Variants in NUP153 observed in about 807,000 individuals in gnomAD.
The protein encoded by NUP153 is nuclear pore complex protein Nup153.
Under a neutral mutation model 134.6 loss-of-function variants are expected in NUP153, and 27 were observed. The ratio of observed to expected loss-of-function variants is 0.20; its 90% CI spans 0.15 to 0.28. The LOEUF (loss-of-function observed/expected upper bound fraction) is 0.28. Ranked by LOEUF, NUP153 falls within the 10% of genes least tolerant of loss-of-function variation. NUP153 has a pLI of 1.00. For missense variants in NUP153, 1,821 were observed against 1,731.3 expected (o/e 1.05, Z -0.92); for synonymous variants, 640 against 623.5 (o/e 1.03, Z -0.40).
chr6:17,693,974 C>T (rs998330061), intron 1 of NUP153, among the ~76,000 whole-genome samples: 12 of 152,104 alleles, frequency 7.9e-5, no homozygotes, highest in Non-Finnish European at 1.8e-4. Context: ...AATAGGACAC[C>T]CATCTCATTT....
intron 5 of NUP153, among the ~76,000 whole-genome samples, chr6:17,670,743 T>G (rs1391006681): frequency 2.0e-5 from 3 of 152,212 alleles, no homozygotes; most frequent in African/African-American, 7.2e-5. Context: ...AAAAAATATT[T>G]TATGTATCTA....
intron 8 of NUP153, among the ~76,000 whole-genome samples, chr6:17,665,974 G>C (rs1201392137): frequency 6.7e-6 from 1 of 150,170 alleles, no homozygotes; most frequent in Non-Finnish European, 1.5e-5. Flanking sequence ...CAGACATGAG[G>C]CAACTCACCT....
In NUP153 at chr6:17,706,304, A is replaced by T. The variant is rs1273575141; in HGVS notation, c.84T>A (p.Pro28=). The T allele has an allele frequency of 3.1e-6, 5 of 1,613,628 alleles. No individual in the cohort carries two copies. In the South Asian group the frequency reaches 4.4e-5, roughly 14 times the overall value. Residue 28 remains proline, a synonymous_variant, in exon 1 of 22, where the codon CCT becomes CCA. Coordinates refer to ENST00000262077, the MANE Select transcript of NUP153 (RefSeq NM_005124.4). The surrounding 1 kb of genome is among the most constrained non-coding windows in gnomAD (Gnocchi z 5.9). ...GATGCTGTTGTCGCCCCTGCTGGTAAGGCTTAATTGGCCCCTGGTGGCAAC... is the reference window on the plus strand; with the variant it reads ...GATGCTGTTGTCGCCCCTGCTGGTATGGCTTAATTGGCCCCTGGTGGCAAC... The part of the protein sequence containing the change: ...TRRCHQGPIK[P]YQQGRQQHQG...
intron 1 of NUP153, among the ~76,000 whole-genome samples, chr6:17,701,556 G>A (rs143510632): frequency 0.2 from 29,648 of 151,070 alleles, 3,777 homozygotes; most frequent in Non-Finnish European, 0.27. Flanking sequence ...CAGCTACTCG[G>A]GAGGCTGAGG....
At chr6:17,626,638 TA>T (rs1764963317) in intron 18 of NUP153, among the ~76,000 whole-genome samples, 2 of 152,330 alleles carry the variant, frequency 1.3e-5, no homozygotes, top group African/African-American at 4.8e-5. Context: ...TATCACACAC[TA>T]CATTTCCTAA....
intron 15 of NUP153, 133 bp from the exon 16 acceptor site, chr6:17,637,903 T>C (rs1765643294): frequency 2.0e-6 from 2 of 991,530 alleles, no homozygotes; most frequent in South Asian, 3.8e-5. Flanking sequence ...TACTTAAGAA[T>C]TGTTTTTCAC....
chr6:17,639,902 G>A, intron 15 of NUP153, 37 bp downstream of exon 15: 1 of 1,565,514 alleles, frequency 6.4e-7, no homozygotes, highest in Non-Finnish European at 8.6e-7. Flanking sequence ...GAGATCATGA[G>A]TTTGTAATCA....
In NUP153 at chr6:17,649,278, G is replaced by A. The variant is rs1206158833; in HGVS notation, c.1418C>T (p.Pro473Leu). Residue 473 changes from proline (P) to leucine (L), a missense_variant, in exon 12 of 22, where the codon CCG (proline) becomes CTG (leucine). Transcript: ENST00000262077. ...ACTGGTGATCGGTAGAGAGATTTTC[G>A]GTAATACTGGAACTTCCATTTCCTA... ...EEEEMEVPVLPKISLPITSSS... is the reference protein window; with the variant it reads ...EEEEMEVPVLLKISLPITSSS... 12 of 1,612,162 alleles carry A rather than the reference G, an allele frequency of 7.4e-6. No homozygotes were observed. Among genetic ancestry groups the A allele is most frequent in the Middle Eastern group, 1.6e-4 (1 of 6,080 alleles).
At chr6:17,670,723 T>C (rs941834946) in intron 5 of NUP153, among the ~76,000 whole-genome samples, 1 of 151,356 alleles carries the variant, frequency 6.6e-6, no homozygotes, top group Non-Finnish European at 1.5e-5. Context: ...TGACTAAATG[T>C]TGGATTTTTA....
At position 17,616,201 on chromosome 6, in the gene NUP153, C is replaced by T. The variant is rs1764308330; in HGVS notation, c.4344-20G>A. The stretch of plus-strand genomic sequence containing the variant: ...TTTGACCTGTGAAAAATAAAAACTT[C>T]ATAATGTGACATGATGCTCTGAGCA... On this transcript the variant is annotated intron_variant, in intron 21 of 21. Coordinates refer to ENST00000262077, the MANE Select transcript of NUP153 (RefSeq NM_005124.4). 4.3e-6 allele frequency: 6 copies of T among 1,391,364 alleles called. No individual in the cohort carries two copies. The Middle Eastern group carries it at 6.0e-4, about 140-fold the overall frequency. 86.2% of individuals were successfully genotyped at this position (1,391,364 alleles called of 1,614,324 possible).
chr6:17,667,962 TCTGC>T (rs1767645442), intron 8 of NUP153, among the ~76,000 whole-genome samples: 1 of 152,016 alleles, frequency 6.6e-6, no homozygotes. Context: ...TGATGAGAGA[TCTGC>T]CTAATTGAAA....
chr6:17,631,234 A>G (rs1476627743), intron 17 of NUP153, among the ~76,000 whole-genome samples: 2 of 143,746 alleles, frequency 1.4e-5, no homozygotes, highest in African/African-American at 2.4e-5. Context: ...ACAGATTTCA[A>G]TCATATAGAC....
rs1157015732 is a variant in NUP153, at chr6:17,616,278, C to T, written c.4344-97G>A. 3.0e-4 allele frequency: 75 copies of T among 253,652 alleles called. No individual in the cohort carries two copies. The South Asian group carries it at 3.0e-3, about 10-fold the overall frequency. The allele number at this position is 253,652 out of a possible 1,614,324, so 15.7% of individuals were successfully genotyped here. A position where few individuals can be genotyped will look rare whatever the true frequency, so the allele number is the denominator to read the frequency against. ...TGAGCAGCACAAGGGTAAGGGGGGT[C>T]GGGTGGGGGGGGAGTAGACTCACAT... On this transcript the variant is annotated intron_variant, in intron 21 of 21. Transcript: ENST00000262077.
chr6:17,632,862 A>AAC lies in NUP153; in HGVS notation c.2465-20_2465-19dup. 1 of 1,512,820 alleles carries AAC rather than the reference A, an allele frequency of 6.6e-7. No individual in the cohort carries two copies. The highest frequency in any genetic ancestry group is 8.8e-7 in the Non-Finnish European group (1 of 1,131,716). 93.7% of individuals were successfully genotyped at this position (1,512,820 alleles called of 1,614,324 possible). A position where few individuals can be genotyped will look rare whatever the true frequency, so the allele number is the denominator to read the frequency against. On this transcript the variant is annotated intron_variant, in intron 16 of 21. Coordinates refer to ENST00000262077, the MANE Select transcript of NUP153 (RefSeq NM_005124.4). ...TGAACTTCCTAAAAAAAAAAAAAAA[A>AAC]ACGGGGAGTGGGGGGAGATTTCATG...
intron 11 of NUP153, chr6:17,651,931 A>G (rs1581706170): frequency 1.6e-6 from 1 of 619,430 alleles, no homozygotes; most frequent in South Asian, 1.7e-5. Context: ...TTGTCTCTAC[A>G]AATAATTTTA....
chr6:17,647,824 C>T lies in NUP153; in HGVS notation c.1615G>A (p.Val539Ile), dbSNP rs1474018482. The T allele has an allele frequency of 5.6e-6, 9 of 1,599,730 alleles. No individual in the cohort carries two copies. Among genetic ancestry groups the T allele is most frequent in the Non-Finnish European group, 6.9e-6 (8 of 1,167,116 alleles). ...TTACTTACAGATGATGGAGGTAGTA[C>T]ATTTGCCTCAGTAGATTTTACGATT... ...SPIVKSTEAN[V>I]LPPSSIGFTF... is the part of the protein sequence containing the mutation. The change falls in exon 13 of 22, where the codon GTA (valine) becomes ATA (isoleucine). Residue 539 changes from valine (V) to isoleucine (I), a missense_variant. Physicochemically the swap from Val to Ile is conservative, Grantham distance 29 (BLOSUM62 3). Coordinates refer to ENST00000262077, the MANE Select transcript of NUP153 (RefSeq NM_005124.4).
At chr6:17,703,870 T>C (rs1482337824) in intron 1 of NUP153, among the ~76,000 whole-genome samples, 1 of 152,206 alleles carries the variant, frequency 6.6e-6, no homozygotes, top group Non-Finnish European at 1.5e-5. Context: ...TGATAAATTA[T>C]CAAGATTTAA....
chr6:17,647,528 G>C (rs1766262294), intron 13 of NUP153, among the ~76,000 whole-genome samples: 1 of 152,166 alleles, frequency 6.6e-6, no homozygotes, highest in East Asian at 1.9e-4. Flanking sequence ...GGATGCAAAG[G>C]AATGTCTTTT....
Position 17,675,592 on chromosome 6 carries a change from A to C in NUP153, c.513T>G (p.Asp171Glu), listed in dbSNP as rs773764262. 1 of 1,614,110 alleles carries C rather than the reference A, an allele frequency of 6.2e-7. No homozygotes were observed. Among genetic ancestry groups the C allele is most frequent in the South Asian group, 1.1e-5 (1 of 91,084 alleles). Residue 171 changes from aspartate to glutamate, a missense_variant, in exon 3 of 22, where the codon GAT becomes GAG. Transcript: ENST00000262077. This position sits in a 1 kb window ranked among gnomAD's most constrained non-coding sequence, Gnocchi z 4.4. ...SGFSLVKEIK[D>E]STSQHDDDNI... ...TATCATCATCATGCTGAGAGGTAGA[A>C]TCTTTAATTTCCTTTACAAGGGAAA...
Sources: gnomAD v4.1 joint callset for allele counts (sites outside exome capture counted in the v4.1 genomes callset) on GRCh38, gnomAD v4.1.1 for gene constraint, Gnocchi (gnomAD v3.1) non-coding constraint, MANE v1.5 for transcripts, NCBI Gene and HGNC (gene_info 2026-07-23, HGNC 2026-07-21) for gene names.